RPS6KC1: variants seen among roughly 807,000 people sequenced by gnomAD.
RPS6KC1 encodes the protein inactive ribosomal protein S6 kinase delta-1.
Under a neutral mutation model 103.8 loss-of-function variants are expected in RPS6KC1, and 54 were observed. The ratio of observed to expected loss-of-function variants is 0.52; its 90% CI spans 0.42 to 0.65. The LOEUF is 0.65. Ranked by LOEUF, RPS6KC1 falls within the 30% of genes least tolerant of loss-of-function variation. The pLI is 0.00. For synonymous variants in RPS6KC1, 439 were observed against 438.7 expected (o/e 1.00, Z -0.01); for missense variants, 1,151 against 1,253.8 (o/e 0.92, Z 1.24).
chr1:213,507,484 G>A, the RPS6KC1 span, among the ~76,000 whole-genome samples: 2 of 152,114 alleles, frequency 1.3e-5, no homozygotes, highest in Middle Eastern at 3.4e-3. Flanking sequence ...AGAAAGTGGC[G>A]CAAATTGGAG....
chr1:213,283,233 G>A, the RPS6KC1 span, among the ~76,000 whole-genome samples: 18 of 152,286 alleles, frequency 1.2e-4, no homozygotes, highest in Non-Finnish European at 2.1e-4. Flanking sequence ...CCAAGAAGAA[G>A]CAAAAATTAG....
At chr1:213,246,569 C>T (rs1558625943) in intron 12 of RPS6KC1, among the ~76,000 whole-genome samples, 1 of 151,972 alleles carries the variant, frequency 6.6e-6, no homozygotes, top group Non-Finnish European at 1.5e-5. Context: ...AAGTTTTAGC[C>T]AAAAGATTTT....
At chr1:213,100,555 T>C (rs961415647) in intron 3 of RPS6KC1, among the ~76,000 whole-genome samples, 3 of 152,294 alleles carry the variant, frequency 2.0e-5, no homozygotes, top group East Asian at 3.9e-4. Context: ...TAGTACCCAA[T>C]AGATAGTTTC....
chr1:213,314,991 G>A, the RPS6KC1 span, among the ~76,000 whole-genome samples: 12 of 152,182 alleles, frequency 7.9e-5, no homozygotes, highest in East Asian at 1.2e-3. Flanking sequence ...AATGGGCAGC[G>A]CATCATTACT....
chr1:213,218,997 C>G (rs2148754429), intron 8 of RPS6KC1, among the ~76,000 whole-genome samples: 1 of 152,184 alleles, frequency 6.6e-6, no homozygotes, highest in Non-Finnish European at 1.5e-5. Context: ...GCAACAAAAG[C>G]CAGAATTGAC....
At chr1:213,422,780 A>G in the RPS6KC1 span, among the ~76,000 whole-genome samples, 1 of 152,240 alleles carries the variant, frequency 6.6e-6, no homozygotes, top group Admixed American at 6.5e-5. Context: ...ACTGTCCAAC[A>G]CATTGTTTGT....
the RPS6KC1 span, among the ~76,000 whole-genome samples, chr1:213,774,156 T>G: frequency 6.6e-6 from 1 of 152,262 alleles, no homozygotes; most frequent in East Asian, 1.9e-4. Flanking sequence ...AGATCTCATC[T>G]TCTAGAAATA....
intron 8 of RPS6KC1, among the ~76,000 whole-genome samples, chr1:213,181,061 T>G (rs530369677): frequency 1.3e-5 from 2 of 152,306 alleles, no homozygotes; most frequent in East Asian, 3.9e-4. Flanking sequence ...AGACTCTTTG[T>G]ACTGCAGCCT....
the RPS6KC1 span, among the ~76,000 whole-genome samples, chr1:213,770,682 G>A: frequency 3.8e-3 from 576 of 152,300 alleles, 5 homozygotes; most frequent in African/African-American, 0.013. Flanking sequence ...AGGTAGACAT[G>A]ACAACTCAAT....
At chr1:213,288,807 T>A in the RPS6KC1 span, among the ~76,000 whole-genome samples, 1 of 152,200 alleles carries the variant, frequency 6.6e-6, no homozygotes, top group African/African-American at 2.4e-5. Flanking sequence ...GGTAGAAGCC[T>A]GCTGTTCAGT....
chr1:213,781,300 T>C, the RPS6KC1 span, among the ~76,000 whole-genome samples: 2 of 152,136 alleles, frequency 1.3e-5, no homozygotes, highest in African/African-American at 4.8e-5. Context: ...ATCACTTTAT[T>C]TGAAGCCTTC....
chr1:213,550,474 G>C, the RPS6KC1 span, among the ~76,000 whole-genome samples: 3 of 152,024 alleles, frequency 2.0e-5, no homozygotes, highest in Non-Finnish European at 2.9e-5. Flanking sequence ...CGCTTCCCCA[G>C]TGCATCTCGA....
intron 8 of RPS6KC1, among the ~76,000 whole-genome samples, chr1:213,184,793 T>C (rs1056655558): frequency 6.6e-6 from 1 of 152,340 alleles, no homozygotes; most frequent in Middle Eastern, 3.4e-3. Flanking sequence ...TGTGTTTCTG[T>C]ATTTCTGACG....
chr1:213,227,201 G>A (rs1031144066), intron 8 of RPS6KC1, among the ~76,000 whole-genome samples: 2 of 152,170 alleles, frequency 1.3e-5, no homozygotes, highest in African/African-American at 4.8e-5. Context: ...ATTCATTCTT[G>A]TGTCTTTAGT....
chr1:213,723,934 G>A, the RPS6KC1 span, among the ~76,000 whole-genome samples: 2 of 146,308 alleles, frequency 1.4e-5, no homozygotes, highest in Non-Finnish European at 3.0e-5. Flanking sequence ...TATGGGGGTG[G>A]TTGGGGGGTT....
the RPS6KC1 span, among the ~76,000 whole-genome samples, chr1:213,655,530 C>T: frequency 5.3e-5 from 8 of 152,304 alleles, no homozygotes; most frequent in African/African-American, 1.2e-4. Flanking sequence ...TTCTAAAACA[C>T]GCTAGATTTT....
chr1:213,265,412 A>G (rs1251905067), intron 14 of RPS6KC1, among the ~76,000 whole-genome samples: 1 of 152,234 alleles, frequency 6.6e-6, no homozygotes, highest in Non-Finnish European at 1.5e-5. Context: ...AGTTATTTAT[A>G]ATGAAGAAGA....
At chr1:213,804,190 A>C in the RPS6KC1 span, among the ~76,000 whole-genome samples, 22 of 149,314 alleles carry the variant, frequency 1.5e-4, no homozygotes, top group East Asian at 3.3e-3. Flanking sequence ...AAAAAAAAAA[A>C]AAAAAAAACA....
chr1:213,513,300 CCCACTGAGAT>C, the RPS6KC1 span, among the ~76,000 whole-genome samples: 1 of 152,158 alleles, frequency 6.6e-6, no homozygotes, highest in East Asian at 1.9e-4. Context: ...TTGTTGTTAG[CCCACTGAGAT>C]CCATCTCTGA....
Sources: allele counts gnomAD v4.1 joint callset (sites outside exome capture counted in the v4.1 genomes callset), GRCh38; gene constraint gnomAD v4.1.1; transcripts MANE v1.5; gene names NCBI Gene and HGNC (gene_info 2026-07-23, HGNC 2026-07-21).